Variants in RNASET2 observed in about 807,000 individuals in gnomAD.
RNASET2 encodes ribonuclease 6.
Under a neutral mutation model 33.9 loss-of-function variants are expected in RNASET2, and 28 were observed. That is an observed-to-expected ratio of 0.83 (90% CI 0.61 to 1.13). The LOEUF (loss-of-function observed/expected upper bound fraction) is 1.13, where lower values mean the gene tolerates loss of function less well. Among genes scored for constraint, RNASET2 ranks in the 50% most tolerant of loss-of-function variants. The pLI is 0.00. For missense variants in RNASET2, 330 were observed against 319.9 expected (o/e 1.03, Z -0.24); for synonymous variants, 123 against 121.0 (o/e 1.02, Z -0.11).
chr6:166,935,240 TATTA>T (rs1778538348), intron 6 of RNASET2: 1 of 145,398 alleles, frequency 6.9e-6, no homozygotes, highest in Non-Finnish European at 1.5e-5. Context: ...TAAACTAGCT[TATTA>T]ATTTTTTAAT....
chr6:166,955,389 A>ACACACGCGCACACACACACGCG (rs1779135049), intron 1 of RNASET2: 2 of 331,108 alleles, frequency 6.0e-6, no homozygotes, highest in Admixed American at 3.9e-4. Context: ...ACGCACACAC[A>ACACACGCGCACACACACACGCG]CACACGCGCA....
intron 1 of RNASET2, chr6:166,955,363 G>T: frequency 4.0e-6 from 1 of 252,706 alleles, no homozygotes; most frequent in Non-Finnish European, 5.0e-6. Context: ...ACACACACAC[G>T]CACACACAAA....
intron 4 of RNASET2, chr6:166,943,575 G>A (rs1303353979): frequency 8.9e-6 from 3 of 338,064 alleles, no homozygotes; most frequent in Non-Finnish European, 1.7e-5. Context: ...GGCTCAGGGG[G>A]TTTAGGGCCA....
chr6:166,923,302 C>T lies in RNASET2; in HGVS notation c.*6286G>A, dbSNP rs1778261014. 1.3e-5 allele frequency among the ~76,000 whole-genome samples: 2 copies of T among 148,786 alleles called. No homozygotes were observed. Among genetic ancestry groups the T allele is most frequent in the South Asian group, 2.1e-4 (1 of 4,672 alleles). ...GCTTGAGTACAGTCTCGGCTCACTG[C>T]AGCCTCCACCTCCTGGGTTCAAGCC... On this transcript the variant is annotated 3_prime_UTR_variant, in exon 9 of 9. Transcript: ENST00000508775.
chr6:166,955,327 GCACGCA>G lies in RNASET2; in HGVS notation c.86+764_86+769del, dbSNP rs1306404577. On this transcript the variant is annotated intron_variant, in intron 1 of 8. Transcript: ENST00000508775. ...ACACACGACACACACGCACACACAC[GCACGCA>G]CGCACACGCACACGCACGCACACAC... Among the ~76,000 whole-genome samples, 98 of 57,602 alleles carry G rather than the reference GCACGCA, an allele frequency of 1.7e-3. 4 individuals carry two copies. Among genetic ancestry groups the G allele is most frequent in the Admixed American group, 4.4e-3 (22 of 5,056 alleles). The allele number at this position is 57,602 out of a possible 152,430, so 37.8% of individuals were successfully genotyped here. A position where few individuals can be genotyped will look rare whatever the true frequency, so the allele number is the denominator to read the frequency against.
rs550010621 is a variant in RNASET2, at chr6:166,940,426, C to T, written c.333-1418G>A. Among the ~76,000 whole-genome samples, 5 of 152,312 alleles carry T rather than the reference C, an allele frequency of 3.3e-5. No homozygotes were observed. In the South Asian group the frequency reaches 1.0e-3, roughly 32 times the overall value. On this transcript the variant is annotated intron_variant, in intron 5 of 8. Transcript: ENST00000508775. The stretch of plus-strand genomic sequence containing the variant: ...ATGAAAGTGGATGAGTAACTGTCTT[C>T]ATCTAGAAGCCTTTCCAGAGCAAAT...
Position 166,933,701 on chromosome 6 carries a change from T to C in RNASET2, c.492+390A>G. 1 of 232,920 alleles carries C rather than the reference T, an allele frequency of 4.3e-6. No individual in the cohort carries two copies. Among genetic ancestry groups the C allele is most frequent in the Non-Finnish European group, 8.4e-6 (1 of 118,552 alleles). The allele number at this position is 232,920 out of a possible 1,614,324, so 14.4% of individuals were successfully genotyped here. A position where few individuals can be genotyped will look rare whatever the true frequency, so the allele number is the denominator to read the frequency against. ...ACCAGCTAATAACATCTTGTCATGC[T>C]TAAATATCTATAGTTTCTTTTATCA... On this transcript the variant is annotated intron_variant, in intron 7 of 8. Coordinates refer to ENST00000508775, the MANE Select transcript of RNASET2 (RefSeq NM_003730.6). This position sits in a 1 kb window ranked among gnomAD's most constrained non-coding sequence, Gnocchi z 4.1.
chr6:166,937,515 G>T (rs1277221260), intron 6 of RNASET2, among the ~76,000 whole-genome samples: 3 of 152,182 alleles, frequency 2.0e-5, no homozygotes, highest in Non-Finnish European at 4.4e-5. Context: ...CTTACTGCAA[G>T]AAAGCAATGC....
chr6:166,951,053 A>T (rs1778972658), intron 2 of RNASET2, among the ~76,000 whole-genome samples: 1 of 152,122 alleles, frequency 6.6e-6, no homozygotes, highest in Non-Finnish European at 1.5e-5. Flanking sequence ...ACTGTTGTTT[A>T]TTGGATACAA....
At chr6:166,955,235 G>GCA (rs1297682505) in intron 1 of RNASET2, among the ~76,000 whole-genome samples, 6 of 95,416 alleles carry the variant, frequency 6.3e-5, no homozygotes, top group East Asian at 3.5e-4. Context: ...ACACACGCAC[G>GCA]CACGCACACA....
chr6:166,955,217 A>ACGCGCACG (rs1779088093), intron 1 of RNASET2, among the ~76,000 whole-genome samples: 5 of 88,636 alleles, frequency 5.6e-5, no homozygotes, highest in African/African-American at 3.2e-4. Flanking sequence ...ACGCACGCAC[A>ACGCGCACG]CACGCGCACA....
In RNASET2 at chr6:166,923,221, G is replaced by T. The variant is rs1048011829; in HGVS notation, c.*6367C>A. On this transcript the variant is annotated 3_prime_UTR_variant, in exon 9 of 9. Coordinates refer to ENST00000508775, the MANE Select transcript of RNASET2 (RefSeq NM_003730.6). ...TGGGATTACAGGCGTGAGCCACCAG[G>T]CCCGGCCTTTTTTTTTTTTTTTTTT... 1.6e-5 allele frequency among the ~76,000 whole-genome samples: 2 copies of T among 121,278 alleles called. No individual in the cohort carries two copies. The highest frequency in any genetic ancestry group is 1.5e-4 in the Admixed American group (2 of 13,194). The allele number at this position is 121,278 out of a possible 152,430, so 79.6% of individuals were successfully genotyped here. A position where few individuals can be genotyped will look rare whatever the true frequency, so the allele number is the denominator to read the frequency against.
At chr6:166,935,169 C>G (rs1261552597) in intron 6 of RNASET2, 1 of 151,968 alleles carries the variant, frequency 6.6e-6, no homozygotes, top group Non-Finnish European at 1.5e-5. Flanking sequence ...CCTCGCCTAC[C>G]CTAGCTGTTG....
intron 3 of RNASET2, among the ~76,000 whole-genome samples, chr6:166,948,102 T>C (rs755399975): frequency 6.6e-6 from 1 of 152,114 alleles, no homozygotes. Flanking sequence ...TCCCAGCACT[T>C]TGGGAGGCCA....
At chr6:166,934,394 A>G (rs753408417) in intron 6 of RNASET2, 2 of 483,334 alleles carry the variant, frequency 4.1e-6, no homozygotes, top group Non-Finnish European at 7.5e-6. Context: ...GGAGCATGGG[A>G]GCGCTGGGGC....
chr6:166,934,149 T>G lies in RNASET2; in HGVS notation c.447-13A>C. 6.5e-7 allele frequency: 1 copy of G among 1,547,642 alleles called. No individual in the cohort carries two copies. Among genetic ancestry groups the G allele is most frequent in the Non-Finnish European group, 8.9e-7 (1 of 1,120,508 alleles). On this transcript the variant is annotated splice_polypyrimidine_tract_variant and intron_variant, in intron 6 of 8. Coordinates refer to ENST00000508775, the MANE Select transcript of RNASET2 (RefSeq NM_003730.6). ...TTTTAGAAGCACACTAAAATTTAAA[T>G]TTAAAAAAGTTAGCTGTATAATGAA...
chr6:166,928,438 A>G lies in RNASET2; in HGVS notation c.*1150T>C, dbSNP rs1583211033. ...AAGCCGAATATTCACAGGCATTGAT[A>G]CAGCTGTTTTTTTTTTTTTTGTAAA... On this transcript the variant is annotated 3_prime_UTR_variant, in exon 9 of 9. Transcript: ENST00000508775. Among the ~76,000 whole-genome samples, 1 of 120,304 alleles carries G rather than the reference A, an allele frequency of 8.3e-6. No homozygotes were observed. Among genetic ancestry groups the G allele is most frequent in the Non-Finnish European group, 1.7e-5 (1 of 60,198 alleles). The allele number at this position is 120,304 out of a possible 152,430, so 78.9% of individuals were successfully genotyped here.
At position 166,944,885 on chromosome 6, in the gene RNASET2, G is replaced by A. The variant is rs567907006; in HGVS notation, c.262-1796C>T. Among the ~76,000 whole-genome samples, 82 of 148,912 alleles carry A rather than the reference G, an allele frequency of 5.5e-4. No individual in the cohort carries two copies. The Middle Eastern group carries it at 0.015, about 28-fold the overall frequency. Reference sequence around the variant, plus strand: ...GCCCACCAGGCCCACACCTGTCAGCGCTGTCCCCTTAGCCCACCCACATCC... The same window carrying A: ...GCCCACCAGGCCCACACCTGTCAGCACTGTCCCCTTAGCCCACCCACATCC... On this transcript the variant is annotated intron_variant, in intron 4 of 8. Coordinates refer to ENST00000508775, the MANE Select transcript of RNASET2 (RefSeq NM_003730.6).
chr6:166,931,273 C>A, intron 7 of RNASET2, 155 bp from the exon 8 acceptor site: 1 of 675,988 alleles, frequency 1.5e-6, no homozygotes. Context: ...CCCCCACCTC[C>A]ACCAGCGAAG....
Sources: allele counts gnomAD v4.1 joint callset (sites outside exome capture counted in the v4.1 genomes callset), GRCh38; gene constraint gnomAD v4.1.1; non-coding constraint Gnocchi (gnomAD v3.1); transcripts MANE v1.5; gene names NCBI Gene and HGNC (gene_info 2026-07-23, HGNC 2026-07-21).